Variants in BLTP3B observed in about 807,000 individuals in gnomAD.
BLTP3B encodes bridge-like lipid transfer protein family member 3B.
the BLTP3B span, among the ~76,000 whole-genome samples, chr12:100,087,670 TATA>T: frequency 9.2e-5 from 14 of 152,202 alleles, no homozygotes; most frequent in Non-Finnish European, 1.2e-4. Flanking sequence ...TTCACAAACT[TATA>T]ATATTTCAGA....
At chr12:100,127,468 T>C in the BLTP3B span, among the ~76,000 whole-genome samples, 3 of 152,226 alleles carry the variant, frequency 2.0e-5, no homozygotes, top group Admixed American at 2.0e-4. Flanking sequence ...CAATTCTACT[T>C]GTGGCATTTA....
chr12:100,085,873 T>G, the BLTP3B span, among the ~76,000 whole-genome samples: 1 of 133,722 alleles, frequency 7.5e-6, no homozygotes, highest in Admixed American at 7.5e-5. Flanking sequence ...AGCTTCATAC[T>G]CTTTTCATTC....
At chr12:100,107,707 T>C in the BLTP3B span, among the ~76,000 whole-genome samples, 35 of 152,190 alleles carry the variant, frequency 2.3e-4, no homozygotes, top group South Asian at 7.3e-3. Flanking sequence ...AGTTCTCATG[T>C]CTTCATTTGA....
chr12:100,042,320 A>G, the BLTP3B span, among the ~76,000 whole-genome samples: 94 of 152,158 alleles, frequency 6.2e-4, no homozygotes, highest in Non-Finnish European at 1.1e-3. Flanking sequence ...AAAAGAGTCA[A>G]AAAAAAATCT....
At chr12:100,067,874 C>T in the BLTP3B span, among the ~76,000 whole-genome samples, 2 of 152,136 alleles carry the variant, frequency 1.3e-5, no homozygotes, top group African/African-American at 4.8e-5. Flanking sequence ...GAAACACATC[C>T]CAATGCTCAT....
the BLTP3B span, among the ~76,000 whole-genome samples, chr12:100,133,547 G>C: frequency 6.6e-6 from 1 of 152,126 alleles, no homozygotes; most frequent in African/African-American, 2.4e-5. Flanking sequence ...ACCTTAATAG[G>C]CAGCACAGAA....
the BLTP3B span, among the ~76,000 whole-genome samples, chr12:100,139,891 G>A: frequency 6.6e-6 from 1 of 152,126 alleles, no homozygotes; most frequent in African/African-American, 2.4e-5. Context: ...GGCAATATGG[G>A]GGCTCACAAT....
the BLTP3B span, chr12:100,050,228 C>T: frequency 2.5e-6 from 4 of 1,610,404 alleles, no homozygotes; most frequent in African/African-American, 2.7e-5. Context: ...TCTGGTGTCA[C>T]CTGGTTCACT....
the BLTP3B span, among the ~76,000 whole-genome samples, chr12:100,130,880 C>T: frequency 7.3e-5 from 11 of 151,028 alleles, no homozygotes; most frequent in African/African-American, 1.5e-4. Context: ...GCTGAGATCG[C>T]TCCATGCCTG....
At chr12:100,047,680 G>T in the BLTP3B span, 2 of 1,406,974 alleles carry the variant, frequency 1.4e-6, no homozygotes, top group South Asian at 1.2e-5. Context: ...ACTTCATTCG[G>T]TCATATTTTT....
the BLTP3B span, among the ~76,000 whole-genome samples, chr12:100,134,753 T>A: frequency 6.6e-6 from 1 of 152,302 alleles, no homozygotes; most frequent in South Asian, 2.1e-4. Context: ...CCTTTTCCAT[T>A]GCTTATGTTG....
At chr12:100,127,802 C>A in the BLTP3B span, among the ~76,000 whole-genome samples, 1 of 152,098 alleles carries the variant, frequency 6.6e-6, no homozygotes, top group Non-Finnish European at 1.5e-5. Flanking sequence ...TGCTTGAGCC[C>A]AGGAGCTCTG....
At chr12:100,086,372 A>AGGGGG in the BLTP3B span, 2 of 410,620 alleles carry the variant, frequency 4.9e-6, no homozygotes, top group African/African-American at 5.3e-5. Flanking sequence ...GGAAAAAAAA[A>AGGGGG]GGGGGGGGGG....
chr12:100,104,204 CTTTTTTTTT>C, the BLTP3B span, among the ~76,000 whole-genome samples: 2 of 131,656 alleles, frequency 1.5e-5, no homozygotes, highest in African/African-American at 5.6e-5. Flanking sequence ...TTCTTTTTTT[CTTTTTTTTT>C]TTTTTTTTTG....
the BLTP3B span, among the ~76,000 whole-genome samples, chr12:100,071,047 G>A: frequency 6.6e-6 from 1 of 152,068 alleles, no homozygotes; most frequent in South Asian, 2.1e-4. Context: ...GGGCAAGTAG[G>A]TCTAAGTATT....
chr12:100,084,850 AG>A, the BLTP3B span, among the ~76,000 whole-genome samples: 1 of 152,214 alleles, frequency 6.6e-6, no homozygotes, highest in African/African-American at 2.4e-5. Flanking sequence ...GAATGTCAAA[AG>A]CAAATCATCT....
chr12:100,131,985 T>C, the BLTP3B span, among the ~76,000 whole-genome samples: 1 of 152,234 alleles, frequency 6.6e-6, no homozygotes, highest in Non-Finnish European at 1.5e-5. Flanking sequence ...AGAGATGGGG[T>C]TTCACCATAT....
the BLTP3B span, chr12:100,039,761 A>G: frequency 5.0e-6 from 8 of 1,613,442 alleles, 1 homozygote; most frequent in South Asian, 5.5e-5. Flanking sequence ...TTTCTTTCAA[A>G]TCATTTCCAG....
the BLTP3B span, among the ~76,000 whole-genome samples, chr12:100,096,436 C>G: frequency 6.6e-6 from 1 of 151,850 alleles, no homozygotes. Context: ...TGTATTAATT[C>G]AAAGATTCAA....
Sources: gnomAD v4.1 joint callset for allele counts (sites outside exome capture counted in the v4.1 genomes callset) on GRCh38, gnomAD v4.1.1 for gene constraint, MANE v1.5 for transcripts, NCBI Gene and HGNC (gene_info 2026-07-23, HGNC 2026-07-21) for gene names.